Variants in CORO2B observed in about 807,000 individuals in gnomAD.
CORO2B encodes the protein coronin 2B.
Under a neutral mutation model 58.8 loss-of-function variants are expected in CORO2B, and 26 were observed. That is an observed-to-expected ratio of 0.44 (90% CI 0.32 to 0.61). CORO2B has a LOEUF of 0.61. Among genes scored for constraint, CORO2B ranks in the 20% least tolerant of loss-of-function variants. CORO2B has a pLI of 0.04. For missense variants in CORO2B, 460 were observed against 645.1 expected, an observed-to-expected ratio of 0.71 and a Z score of 3.11; for synonymous variants, 242 against 253.8, an observed-to-expected ratio of 0.95 and a Z score of 0.44.
chr15:68,561,909 G>C, the CORO2B span, among the ~76,000 whole-genome samples: 1,302 of 152,126 alleles, frequency 8.6e-3, 22 homozygotes, highest in African/African-American at 0.03. Context: ...GCATGACCGT[G>C]AGTGTGTGTT....
chr15:68,592,079 C>T (rs1418317002), intron 1 of CORO2B, among the ~76,000 whole-genome samples: 4 of 152,116 alleles, frequency 2.6e-5, no homozygotes, highest in East Asian at 1.9e-4. Flanking sequence ...TTCCCTTCCC[C>T]GGTGTCCCCA....
chr15:68,645,426 C>T lies in CORO2B; in HGVS notation c.216+66C>T. Reference sequence around the variant, plus strand: ...CAGAGAGGAGCCCTCCTTGGTCTCTCTTAGGCCTGTTGACCCTACTTCTCT... The same window carrying T: ...CAGAGAGGAGCCCTCCTTGGTCTCTTTTAGGCCTGTTGACCCTACTTCTCT... On this transcript the variant is annotated intron_variant, in intron 2 of 11. Transcript: ENST00000261861. The surrounding 1 kb of genome is among the most constrained non-coding windows in gnomAD (Gnocchi z 4.5). 1 of 1,495,376 alleles carries T rather than the reference C, an allele frequency of 6.7e-7. No individual in the cohort carries two copies. Among genetic ancestry groups the T allele is most frequent in the Non-Finnish European group, 9.1e-7 (1 of 1,096,348 alleles). The allele number at this position is 1,495,376 out of a possible 1,614,324, so 92.6% of individuals were successfully genotyped here.
At chr15:68,629,703 GTAGGGGT>G (rs1043866027) in intron 1 of CORO2B, among the ~76,000 whole-genome samples, 1 of 152,214 alleles carries the variant, frequency 6.6e-6, no homozygotes, top group African/African-American at 2.4e-5. Context: ...AGCAGCCTCA[GTAGGGGT>G]CAGATCAGGA....
rs139975012 is a variant in CORO2B at position 68,719,146 on chromosome 15, A to G, written c.1083A>G (p.Ser361=). The G allele has an allele frequency of 2.7e-5, 43 of 1,613,370 alleles. No homozygotes were observed. Among genetic ancestry groups the G allele is most frequent in the Non-Finnish European group, 3.5e-5 (41 of 1,179,414 alleles). ...EPISMIVPRR[S]DSYQEDIYPM... ...CTCTTCTGCTCCTCCCACTGTAGTC[A>G]GATTCCTACCAGGAAGACATTTACC... The change falls in exon 10 of 12, where the codon TCA becomes TCG. Residue 361 remains serine, a splice_region_variant and synonymous_variant. Transcript: ENST00000261861.
intron 9 of CORO2B, 29 bp downstream of exon 9, chr15:68,718,839 G>C: frequency 6.4e-7 from 1 of 1,568,266 alleles, no homozygotes; most frequent in Non-Finnish European, 8.8e-7. Context: ...GGCTCCAGGA[G>C]GGGGGCCTGC....
Position 68,691,401 on chromosome 15 carries a change from G to A in CORO2B, c.217-3739G>A, listed in dbSNP as rs796154260. Among the ~76,000 whole-genome samples, 35 of 19,516 alleles carry A rather than the reference G, an allele frequency of 1.8e-3. 8 individuals are homozygous for A. Among genetic ancestry groups the A allele is most frequent in the African/African-American group, 2.4e-3 (34 of 13,886 alleles). The allele number at this position is 19,516 out of a possible 152,430, so 12.8% of individuals were successfully genotyped here. On this transcript the variant is annotated intron_variant, in intron 2 of 11. Coordinates refer to ENST00000261861, the MANE Select transcript of CORO2B (RefSeq NM_006091.5). ...AGCACTTTGGGAGGCCGAGGCGGGC[G>A]GATCACGAGGTCAGGAGATCGAGAC...
the CORO2B span, among the ~76,000 whole-genome samples, chr15:68,564,413 C>A: frequency 6.6e-6 from 1 of 152,042 alleles, no homozygotes; most frequent in Non-Finnish European, 1.5e-5. Context: ...AAGCGATCCT[C>A]CCCCATCAGC....
intron 1 of CORO2B, among the ~76,000 whole-genome samples, chr15:68,619,190 C>A (rs1705312637): frequency 6.6e-6 from 1 of 152,142 alleles, no homozygotes; most frequent in South Asian, 2.1e-4. Context: ...AAGCCCAGAG[C>A]CCCAATCTGT....
the CORO2B span, among the ~76,000 whole-genome samples, chr15:68,563,487 T>TA: frequency 1.1e-4 from 15 of 139,546 alleles, no homozygotes; most frequent in African/African-American, 2.1e-4. Flanking sequence ...ATTCTGTCTT[T>TA]AAAAAAAAAA....
intron 3 of CORO2B, among the ~76,000 whole-genome samples, chr15:68,701,375 G>C (rs1027882275): frequency 7.9e-5 from 12 of 151,218 alleles, no homozygotes; most frequent in African/African-American, 2.9e-4. Context: ...GCAGTGGCGC[G>C]ATCTCCGCTC....
chr15:68,540,518 T>C, the CORO2B span, among the ~76,000 whole-genome samples: 3 of 152,234 alleles, frequency 2.0e-5, no homozygotes, highest in Non-Finnish European at 4.4e-5. Flanking sequence ...GCAAAACCAG[T>C]GTTCAATGAA....
At chr15:68,609,951 A>G (rs1453314563) in intron 1 of CORO2B, among the ~76,000 whole-genome samples, 2 of 152,160 alleles carry the variant, frequency 1.3e-5, no homozygotes, top group Non-Finnish European at 2.9e-5. Flanking sequence ...GCCCATCCCC[A>G]GGGGACCCTG....
intron 1 of CORO2B, among the ~76,000 whole-genome samples, chr15:68,581,443 A>C (rs545943797): frequency 6.6e-6 from 1 of 152,330 alleles, no homozygotes; most frequent in African/African-American, 2.4e-5. Context: ...CGCTGGTAGT[A>C]GCTCTTCCAG....
chr15:68,665,182 T>G (rs890742959), intron 2 of CORO2B, among the ~76,000 whole-genome samples: 31 of 152,242 alleles, frequency 2.0e-4, no homozygotes, highest in African/African-American at 7.0e-4. Context: ...ATAGATTAAC[T>G]TTTTTTCCCC....
At chr15:68,596,070 G>A (rs1190695042) in intron 1 of CORO2B, among the ~76,000 whole-genome samples, 1 of 152,064 alleles carries the variant, frequency 6.6e-6, no homozygotes, top group Non-Finnish European at 1.5e-5. Context: ...GCGGGGAGGT[G>A]GGAGTTGTGC....
chr15:68,578,610 G>A (rs1218870533), upstream of CORO2B, among the ~76,000 whole-genome samples: 1 of 151,868 alleles, frequency 6.6e-6, no homozygotes, highest in African/African-American at 2.4e-5. The surrounding 1 kb of genome is among the most constrained non-coding windows in gnomAD (Gnocchi z 4.2). Flanking sequence ...CGAGCCTCCA[G>A]GGGGCGAACC....
chr15:68,708,771 C>T (rs1270805136), intron 3 of CORO2B, among the ~76,000 whole-genome samples: 1 of 152,072 alleles, frequency 6.6e-6, no homozygotes, highest in Non-Finnish European at 1.5e-5. Flanking sequence ...CCTTGAACTC[C>T]TGGGCTTAAG....
At chr15:68,566,430 G>A in the CORO2B span, among the ~76,000 whole-genome samples, 38 of 152,128 alleles carry the variant, frequency 2.5e-4, no homozygotes, top group African/African-American at 8.9e-4. Flanking sequence ...TATCCTCTCT[G>A]AAGGAACTCC....
the CORO2B span, among the ~76,000 whole-genome samples, chr15:68,547,664 T>G: frequency 6.6e-6 from 1 of 152,006 alleles, no homozygotes. Flanking sequence ...ATAAAAGAAA[T>G]AAAACACCTC....
Sources: gnomAD v4.1 joint callset for allele counts (sites outside exome capture counted in the v4.1 genomes callset) on GRCh38, gnomAD v4.1.1 for gene constraint, Gnocchi (gnomAD v3.1) non-coding constraint, MANE v1.5 for transcripts, NCBI Gene and HGNC (gene_info 2026-07-23, HGNC 2026-07-21) for gene names.